CEP83: variants seen among roughly 807,000 people sequenced by gnomAD.
The protein encoded by CEP83 is centrosomal protein of 83 kDa.
A neutral mutation model predicts 101.9 loss-of-function variants in CEP83; 70 were observed. The observed-to-expected ratio is 0.69, with a 90% CI of 0.57 to 0.84. The LOEUF is 0.84. CEP83 is among the 40% of genes least tolerant of loss of function. The pLI, the probability that CEP83 is intolerant of heterozygous loss-of-function variation, is 0.00. For missense variants in CEP83, 715 were observed against 787.2 expected (o/e 0.91, Z 1.10); for synonymous variants, 264 against 267.9 (o/e 0.99, Z 0.14).
In CEP83 at chr12:94,442,521, A is replaced by AT. The variant is rs60529674; in HGVS notation, c.-154-7195dup. On this transcript the variant is annotated intron_variant, in intron 1 of 16. Transcript: ENST00000397809. ...TTCCCCCAAAACTATTGAAATAATG[A>AT]TTTTTTTTTTAGAAAAAACACGGAA... 8.7e-3 allele frequency among the ~76,000 whole-genome samples: 1,304 copies of AT among 150,460 alleles called. 7 individuals carry two copies. The highest frequency in any genetic ancestry group is 0.026 in the African/African-American group (1,046 of 41,000).
intron 1 of CEP83, among the ~76,000 whole-genome samples, chr12:94,438,280 T>G (rs2066145154): frequency 1.3e-5 from 2 of 150,778 alleles, no homozygotes; most frequent in African/African-American, 4.9e-5. Context: ...CTACCAAGTA[T>G]CTGCTGCCTT....
At chr12:94,318,683 T>C (rs1224166872) in intron 14 of CEP83, among the ~76,000 whole-genome samples, 1 of 152,216 alleles carries the variant, frequency 6.6e-6, no homozygotes, top group African/African-American at 2.4e-5. Flanking sequence ...GTGGTTTTTG[T>C]CTTTAGTCCT....
chr12:94,289,287 A>G, the CEP83 span, among the ~76,000 whole-genome samples: 25 of 152,332 alleles, frequency 1.6e-4, no homozygotes, highest in South Asian at 5.2e-3. Flanking sequence ...ATGATGGGAA[A>G]GTCTACAGTC....
At chr12:94,449,388 T>C (rs2067057197) in intron 1 of CEP83, among the ~76,000 whole-genome samples, 1 of 152,118 alleles carries the variant, frequency 6.6e-6, no homozygotes, top group Non-Finnish European at 1.5e-5. Flanking sequence ...AACAGACTAA[T>C]ATCCCTCAGG....
intron 2 of CEP83, among the ~76,000 whole-genome samples, chr12:94,421,554 C>T (rs2064750294): frequency 6.6e-6 from 1 of 152,114 alleles, no homozygotes; most frequent in African/African-American, 2.4e-5. Flanking sequence ...TACTATTTCT[C>T]CTTTATTCAT....
At chr12:94,323,023 G>A (rs2058813920) in intron 14 of CEP83, among the ~76,000 whole-genome samples, 1 of 152,144 alleles carries the variant, frequency 6.6e-6, no homozygotes, top group South Asian at 2.1e-4. Context: ...CTACAAAACA[G>A]CAAAGATGGC....
rs564681283 is a variant in CEP83 at position 94,396,523 on chromosome 12, C to T, written c.549+4327G>A. On this transcript the variant is annotated intron_variant, in intron 6 of 16. Transcript: ENST00000397809. ...CAGGATGGTCTCGATCTCCTGACCC[C>T]GTGATCCACCCGCCTCAGCCTCCCC... Among the ~76,000 whole-genome samples the T allele has an allele frequency of 2.1e-3, 323 of 151,942 alleles. 1 individual carries two copies. The highest frequency in any genetic ancestry group is 7.5e-3 in the African/African-American group (310 of 41,460).
At chr12:94,440,154 C>A (rs535556747) in intron 1 of CEP83, among the ~76,000 whole-genome samples, 2 of 152,264 alleles carry the variant, frequency 1.3e-5, no homozygotes, top group Middle Eastern at 6.8e-3. Flanking sequence ...TTCACCACTT[C>A]TATTCAACAC....
chr12:94,405,084 G>A (rs2063463006), intron 4 of CEP83, among the ~76,000 whole-genome samples: 1 of 152,096 alleles, frequency 6.6e-6, no homozygotes, highest in African/African-American at 2.4e-5. Context: ...GTCATAATCT[G>A]GTTTACGGTA....
chr12:94,278,035 C>G, the CEP83 span: 25 of 455,950 alleles, frequency 5.5e-5, no homozygotes, highest in Non-Finnish European at 9.3e-5. Context: ...TACTTGGGGA[C>G]CTCCTCTTTC....
chr12:94,370,186 C>G, intron 8 of CEP83, 150 bp from the exon 9 acceptor site: 1 of 585,940 alleles, frequency 1.7e-6, no homozygotes, highest in East Asian at 2.8e-5. Flanking sequence ...GTGCCTGCAA[C>G]AGTACTTCAA....
intron 14 of CEP83, among the ~76,000 whole-genome samples, chr12:94,326,516 T>C (rs139814661): frequency 2.9e-4 from 44 of 152,330 alleles, no homozygotes; most frequent in African/African-American, 1.1e-3. Context: ...AATTGAATTT[T>C]TGGACACCTG....
At chr12:94,441,055 T>G (rs934113402) in intron 1 of CEP83, among the ~76,000 whole-genome samples, 1 of 152,328 alleles carries the variant, frequency 6.6e-6, no homozygotes, top group African/African-American at 2.4e-5. Flanking sequence ...GACTTAAATC[T>G]AAGACCTGAA....
chr12:94,407,262 C>A, intron 4 of CEP83, among the ~76,000 whole-genome samples: 1 of 151,994 alleles, frequency 6.6e-6, no homozygotes, highest in East Asian at 1.9e-4. Context: ...AAACTGTAAA[C>A]CCATAGACCT....
In CEP83 at chr12:94,310,139, T is replaced by G. The variant is rs748398406; in HGVS notation, c.1812-32A>C. On this transcript the variant is annotated intron_variant, in intron 15 of 16. Transcript: ENST00000397809. ...AAGAAAAAGAAATGTTTCTTTAACA[T>G]GGTTATACCCTATTGAAGCACAGTA... 3 of 1,207,052 alleles carry G rather than the reference T, an allele frequency of 2.5e-6. No individual in the cohort carries two copies. The East Asian group carries it at 7.0e-5, about 28-fold the overall frequency. The allele number at this position is 1,207,052 out of a possible 1,614,324, so 74.8% of individuals were successfully genotyped here. A position where few individuals can be genotyped will look rare whatever the true frequency, so the allele number is the denominator to read the frequency against.
At chr12:94,329,001 T>C (rs1354899252) in intron 14 of CEP83, among the ~76,000 whole-genome samples, 1 of 152,226 alleles carries the variant, frequency 6.6e-6, no homozygotes, top group African/African-American at 2.4e-5. Flanking sequence ...CATGATGTTT[T>C]TCTATTTTAA....
intron 2 of CEP83, among the ~76,000 whole-genome samples, chr12:94,427,624 T>G (rs2065304099): frequency 6.6e-6 from 1 of 152,234 alleles, no homozygotes; most frequent in Non-Finnish European, 1.5e-5. Flanking sequence ...GCACAGCTGC[T>G]GATGCTCATG....
intron 14 of CEP83, among the ~76,000 whole-genome samples, chr12:94,322,729 C>G (rs2058801636): frequency 6.6e-6 from 1 of 152,178 alleles, no homozygotes; most frequent in Non-Finnish European, 1.5e-5. Context: ...CTGCTCTGTA[C>G]CAGGGGATCA....
rs1161292599 is a variant in CEP83 at position 94,331,357 on chromosome 12, CTTTTTTTTTTTTTTTT to C, written c.1707+327_1707+342del. Among the ~76,000 whole-genome samples the C allele has an allele frequency of 7.5e-5, 5 of 66,806 alleles. 1 individual carries two copies. The highest frequency in any genetic ancestry group is 8.6e-5 in the Non-Finnish European group (3 of 34,738). The allele number at this position is 66,806 out of a possible 152,430, so 43.8% of individuals were successfully genotyped here. A position where few individuals can be genotyped will look rare whatever the true frequency, so the allele number is the denominator to read the frequency against. ...TACTCCATAGAAATCACCTTTTTTC[CTTTTTTTTTTTTTTTT>C]TTTTTTTTTTTGCGACAGAGTCTTG... On this transcript the variant is annotated intron_variant, in intron 14 of 16. Coordinates refer to ENST00000397809, the MANE Select transcript of CEP83 (RefSeq NM_016122.3).
Sources: gnomAD v4.1 joint callset for allele counts (sites outside exome capture counted in the v4.1 genomes callset) on GRCh38, gnomAD v4.1.1 for gene constraint, MANE v1.5 for transcripts, NCBI Gene and HGNC (gene_info 2026-07-23, HGNC 2026-07-21) for gene names.